EIF2AK1: variants seen among roughly 807,000 people sequenced by gnomAD.
The protein encoded by EIF2AK1 is eukaryotic translation initiation factor 2 alpha kinase 1, also known as eukaryotic translation initiation factor 2-alpha kinase 1.
In EIF2AK1, 54 loss-of-function variants were observed where a neutral mutation model predicts 77.9. The ratio of observed to expected loss-of-function variants is 0.69; its 90% confidence interval spans 0.56 to 0.87. EIF2AK1 has a LOEUF of 0.87. EIF2AK1 is among the 40% of genes least tolerant of loss of function. EIF2AK1 has a pLI of 0.00. For missense variants in EIF2AK1, 810 were observed against 768.6 expected (o/e 1.05, Z -0.64); for synonymous variants, 314 against 290.5 (o/e 1.08, Z -0.82).
intron 11 of EIF2AK1, among the ~76,000 whole-genome samples, chr7:6,029,745 G>A (rs1583476855): frequency 6.6e-6 from 1 of 152,118 alleles, no homozygotes; most frequent in Admixed American, 6.5e-5. Flanking sequence ...CACTTTAGGA[G>A]GCTGAGGCGG....
rs934676976 is a variant in EIF2AK1, at chr7:6,035,473, T to C, written c.1332+1951A>G. On this transcript the variant is annotated intron_variant, in intron 11 of 14. Coordinates refer to ENST00000199389, the MANE Select transcript of EIF2AK1 (RefSeq NM_014413.4). The surrounding 1 kb of genome is among the most constrained non-coding windows in gnomAD (Gnocchi z 5.5). ...ACGACAGGCCTCACCACACTCAACT[T>C]AATGCTACTGCACTGGCCAGTCACT... 2 of 1,550,710 alleles carry C rather than the reference T, an allele frequency of 1.3e-6. No individual in the cohort carries two copies. The highest frequency in any genetic ancestry group is 2.7e-5 in the African/African-American group (2 of 73,022).
At chr7:6,056,613 A>AAAAAAAAAAAAAAATATATATATATAT in intron 1 of EIF2AK1, among the ~76,000 whole-genome samples, 5 of 43,736 alleles carry the variant, frequency 1.1e-4, no homozygotes, top group African/African-American at 4.1e-4. Flanking sequence ...AAAAAAAAAA[A>AAAAAAAAAAAAAAATATATATATATAT]ATATATATAT....
At chr7:6,031,380 G>A in intron 11 of EIF2AK1, 1 of 1,550,526 alleles carries the variant, frequency 6.4e-7, no homozygotes, top group Non-Finnish European at 8.7e-7. Flanking sequence ...TTTCTCATGG[G>A]GAATATAACC....
Position 6,035,615 on chromosome 7 carries a change from AG to A in EIF2AK1, c.1332+1808del, listed in dbSNP as rs1221811451. On this transcript the variant is annotated intron_variant, in intron 11 of 14. Transcript: ENST00000199389. This position sits in a 1 kb window ranked among gnomAD's most constrained non-coding sequence, Gnocchi z 5.5. ...CGCACGGAGCTCAAGTGAACACTCA[AG>A]GGGAAATCAGCAACAAACGTTCACC... 2.6e-6 allele frequency: 4 copies of A among 1,550,836 alleles called. No homozygotes were observed. The highest frequency in any genetic ancestry group is 3.5e-6 in the Non-Finnish European group (4 of 1,147,106).
At chr7:6,028,469 C>T (rs547665301) in intron 13 of EIF2AK1, 146 bp downstream of exon 13, 436 of 681,398 alleles carry the variant, frequency 6.4e-4, no homozygotes, top group Non-Finnish European at 9.7e-4. Flanking sequence ...CCAGGCTGGT[C>T]TTGAACTCCT....
chr7:6,024,304 C>G lies in EIF2AK1; in HGVS notation c.*369G>C. ...AGACTGGCAGCTGTCAAAACTGGAACAGTCCAGTGAGTATGTGCAGGCCCG... is the reference window on the plus strand; with the variant it reads ...AGACTGGCAGCTGTCAAAACTGGAAGAGTCCAGTGAGTATGTGCAGGCCCG... On this transcript the variant is annotated 3_prime_UTR_variant, in exon 15 of 15. Coordinates refer to ENST00000199389, the MANE Select transcript of EIF2AK1 (RefSeq NM_014413.4). 1 of 1,216,844 alleles carries G rather than the reference C, an allele frequency of 8.2e-7. No homozygotes were observed. The highest frequency in any genetic ancestry group is 1.0e-6 in the Non-Finnish European group (1 of 961,388). The allele number at this position is 1,216,844 out of a possible 1,614,324, so 75.4% of individuals were successfully genotyped here.
chr7:6,032,780 C>G lies in EIF2AK1; in HGVS notation c.1333-3748G>C. 2 of 1,394,652 alleles carry G rather than the reference C, an allele frequency of 1.4e-6. No individual in the cohort carries two copies. Among genetic ancestry groups the G allele is most frequent in the Non-Finnish European group, 2.0e-6 (2 of 1,010,134 alleles). The allele number at this position is 1,394,652 out of a possible 1,614,324, so 86.4% of individuals were successfully genotyped here. On this transcript the variant is annotated intron_variant, in intron 11 of 14. Transcript: ENST00000199389. The surrounding 1 kb of genome is among the most constrained non-coding windows in gnomAD (Gnocchi z 4.3). ...TTGCCTTTGAAACGGCAAGCTAACACAAACAGTATTTTTAACTACACAGGG... is the reference window on the plus strand; with the variant it reads ...TTGCCTTTGAAACGGCAAGCTAACAGAAACAGTATTTTTAACTACACAGGG...
chr7:6,025,931 G>A (rs1244330550), intron 14 of EIF2AK1, among the ~76,000 whole-genome samples: 2 of 151,846 alleles, frequency 1.3e-5, no homozygotes, highest in African/African-American at 2.4e-5. Context: ...GAGCCACCCC[G>A]CCTGGCCAGG....
At chr7:6,040,762 G>A (rs762629397) in intron 9 of EIF2AK1, 130 bp downstream of exon 9, 18 of 765,890 alleles carry the variant, frequency 2.4e-5, no homozygotes, top group Non-Finnish European at 3.0e-5. Context: ...CATGGCAAGG[G>A]GAACATGGCC....
intron 12 of EIF2AK1, 97 bp from the exon 13 acceptor site, chr7:6,028,794 A>G (rs1434631202): frequency 7.1e-7 from 1 of 1,417,812 alleles, no homozygotes; most frequent in Admixed American, 1.8e-5. Flanking sequence ...CTAAGAGAAC[A>G]ACAGTTGCTT....
chr7:6,036,288 A>G lies in EIF2AK1; in HGVS notation c.1332+1136T>C, dbSNP rs1788090958. ...TATCTGCAAAAGAAACATCAGGAATATTTATGGTGAGAAATACAAACAGCA... is the reference window on the plus strand; with the variant it reads ...TATCTGCAAAAGAAACATCAGGAATGTTTATGGTGAGAAATACAAACAGCA... On this transcript the variant is annotated intron_variant, in intron 11 of 14. Coordinates refer to ENST00000199389, the MANE Select transcript of EIF2AK1 (RefSeq NM_014413.4). This position sits in a 1 kb window ranked among gnomAD's most constrained non-coding sequence, Gnocchi z 4.6. 6.5e-7 allele frequency: 1 copy of G among 1,548,894 alleles called. No individual in the cohort carries two copies. Among genetic ancestry groups the G allele is most frequent in the Non-Finnish European group, 8.7e-7 (1 of 1,146,668 alleles).
At chr7:6,053,406 G>A (rs1788661827) in intron 2 of EIF2AK1, among the ~76,000 whole-genome samples, 1 of 152,112 alleles carries the variant, frequency 6.6e-6, no homozygotes, top group Admixed American at 6.6e-5. Context: ...TCTGTCGCCA[G>A]GCTGGTGTGC....
rs1294677730 is a variant in EIF2AK1 at position 6,033,919 on chromosome 7, A to G, written c.1332+3505T>C. Among the ~76,000 whole-genome samples, 1 of 152,110 alleles carries G rather than the reference A, an allele frequency of 6.6e-6. No homozygotes were observed. The highest frequency in any genetic ancestry group is 2.4e-5 in the African/African-American group (1 of 41,424). Reference sequence around the variant, plus strand: ...TCTCCACTAGAAGGTAAGCCGCATGAAAGAGAAGTTGACCTTGTGCACCAC... The same window carrying G: ...TCTCCACTAGAAGGTAAGCCGCATGGAAGAGAAGTTGACCTTGTGCACCAC... On this transcript the variant is annotated intron_variant, in intron 11 of 14. Coordinates refer to ENST00000199389, the MANE Select transcript of EIF2AK1 (RefSeq NM_014413.4). The surrounding 1 kb of genome is among the most constrained non-coding windows in gnomAD (Gnocchi z 4.4).
chr7:6,024,870 G>A (rs1312758956), intron 14 of EIF2AK1, 69 bp from the exon 15 acceptor site: 12 of 1,172,120 alleles, frequency 1.0e-5, no homozygotes, highest in South Asian at 3.4e-5. Flanking sequence ...ACAGAGTCTC[G>A]CTCTGTCGCC....
rs531181941 is a variant in EIF2AK1 at position 6,026,226 on chromosome 7, A to T, written c.1764+502T>A. On this transcript the variant is annotated intron_variant, in intron 14 of 14. Transcript: ENST00000199389. ...CCAGTGACCAAAACACCCTCGAGGG[A>T]CCCGCCCACCACTTCCGGGGTCACC... Among the ~76,000 whole-genome samples the T allele has an allele frequency of 3.3e-5, 5 of 152,114 alleles. No individual in the cohort carries two copies. The South Asian group carries it at 1.0e-3, about 32-fold the overall frequency.
rs542127109 is a variant in EIF2AK1, at chr7:6,035,830, C to G, written c.1332+1594G>C. ...AACGTCAACTGTGCTGTCTCTTCCA[C>G]GGGGAACACGCCCCTGAAGCTTGCA... On this transcript the variant is annotated intron_variant, in intron 11 of 14. Coordinates refer to ENST00000199389, the MANE Select transcript of EIF2AK1 (RefSeq NM_014413.4). The surrounding 1 kb of genome is among the most constrained non-coding windows in gnomAD (Gnocchi z 5.5). The G allele has an allele frequency of 5.8e-6, 9 of 1,548,968 alleles. No individual in the cohort carries two copies. In the South Asian group the frequency reaches 8.3e-5, roughly 14 times the overall value.
chr7:6,046,332 G>A (rs1788443651), intron 5 of EIF2AK1, 181 bp from the exon 6 acceptor site: 1 of 368,778 alleles, frequency 2.7e-6, no homozygotes, highest in Non-Finnish European at 4.8e-6. Flanking sequence ...AGATAGTGTT[G>A]GAAGTCTAGC....
intron 2 of EIF2AK1, among the ~76,000 whole-genome samples, chr7:6,051,637 C>T (rs1788610222): frequency 6.6e-6 from 1 of 151,860 alleles, no homozygotes; most frequent in African/African-American, 2.4e-5. Flanking sequence ...ACCATGTTGG[C>T]CAGGCTGGTC....
Position 6,024,347 on chromosome 7 carries a change from G to A in EIF2AK1, c.*326C>T, listed in dbSNP as rs141177635. 5.7e-6 allele frequency: 7 copies of A among 1,222,740 alleles called. No individual in the cohort carries two copies. In the East Asian group the frequency reaches 3.0e-4, roughly 52 times the overall value. 75.7% of individuals were successfully genotyped at this position (1,222,740 alleles called of 1,614,324 possible). On this transcript the variant is annotated 3_prime_UTR_variant, in exon 15 of 15. Coordinates refer to ENST00000199389, the MANE Select transcript of EIF2AK1 (RefSeq NM_014413.4). The stretch of plus-strand genomic sequence containing the variant: ...CAGGCCCGGGCTTGGGCAGTGACGA[G>A]GGCAGGGAGCACACATCAATTTCTG...
Sources: allele counts gnomAD v4.1 joint callset (sites outside exome capture counted in the v4.1 genomes callset), GRCh38; gene constraint gnomAD v4.1.1; non-coding constraint Gnocchi (gnomAD v3.1); transcripts MANE v1.5; gene names NCBI Gene and HGNC (gene_info 2026-07-23, HGNC 2026-07-21).